The following UBE2W variants were observed in gnomAD, a reference collection of about 807,000 sequenced individuals.
UBE2W encodes ubiquitin conjugating enzyme E2 W, also known as ubiquitin-conjugating enzyme E2 W.
UBE2W carries 18 observed loss-of-function variants against 27.2 expected under a neutral mutation model. That is an observed-to-expected ratio of 0.66 (90% CI 0.46 to 0.98). The LOEUF (loss-of-function observed/expected upper bound fraction) is 0.98. Among genes scored for constraint, UBE2W ranks in the 50% least tolerant of loss-of-function variants. The pLI, the probability that UBE2W is intolerant of heterozygous loss-of-function variation, is 0.00. For missense variants in UBE2W, 90 were observed against 180.2 expected, an observed-to-expected ratio of 0.50 and a Z score of 2.87; for synonymous variants, 53 against 57.2, an observed-to-expected ratio of 0.93 and a Z score of 0.33.
At chr8:73,807,108 A>G (rs1481511291) in intron 4 of UBE2W, among the ~76,000 whole-genome samples, 2 of 152,222 alleles carry the variant, frequency 1.3e-5, no homozygotes, top group Non-Finnish European at 2.9e-5. Flanking sequence ...TATTAAAGCT[A>G]TATTAAAGTT....
chr8:73,825,277 T>G, intron 2 of UBE2W, 28 bp from the exon 3 acceptor site: 8 of 1,496,268 alleles, frequency 5.3e-6, no homozygotes, highest in Non-Finnish European at 7.2e-6. Flanking sequence ...AATTAAAAAC[T>G]TAAGATAATA....
At chr8:73,781,929 C>CTTT (rs71269945), downstream of UBE2W, among the ~76,000 whole-genome samples, 6 of 96,016 alleles carry the variant, frequency 6.2e-5, no homozygotes, top group African/African-American at 1.5e-4. Context: ...TAAAAGCCTC[C>CTTT]TTTTTTTTTT....
At chr8:73,850,411 A>C (rs1811023025) in intron 1 of UBE2W, among the ~76,000 whole-genome samples, 1 of 152,200 alleles carries the variant, frequency 6.6e-6, no homozygotes, top group Non-Finnish European at 1.5e-5. Flanking sequence ...GAAAACCATG[A>C]AAATGTGTTA....
At chr8:73,797,193 G>A (rs1248680920) in intron 5 of UBE2W, among the ~76,000 whole-genome samples, 1 of 152,102 alleles carries the variant, frequency 6.6e-6, no homozygotes, top group Non-Finnish European at 1.5e-5. Flanking sequence ...TATATTAGAA[G>A]AAGGTCATTT....
At chr8:73,821,051 A>G (rs772567677) in intron 3 of UBE2W, among the ~76,000 whole-genome samples, 1 of 152,352 alleles carries the variant, frequency 6.6e-6, no homozygotes, top group Non-Finnish European at 1.5e-5. Context: ...TTCATTCCAC[A>G]TATAATCTTT....
At chr8:73,806,742 A>G (rs1314368901) in intron 4 of UBE2W, among the ~76,000 whole-genome samples, 1 of 152,118 alleles carries the variant, frequency 6.6e-6, no homozygotes, top group Non-Finnish European at 1.5e-5. Flanking sequence ...ACTAAACTAG[A>G]TTTGTTGGGA....
intron 3 of UBE2W, among the ~76,000 whole-genome samples, chr8:73,812,847 T>C (rs1435233963): frequency 6.6e-6 from 1 of 151,338 alleles, no homozygotes; most frequent in East Asian, 1.9e-4. Flanking sequence ...TACTAAAAAA[T>C]ACAAAAAATT....
At chr8:73,875,401 C>G (rs1210570404) in intron 1 of UBE2W, among the ~76,000 whole-genome samples, 1 of 152,134 alleles carries the variant, frequency 6.6e-6, no homozygotes. Flanking sequence ...GGTTGAGACG[C>G]ACTGACAGAA....
intron 1 of UBE2W, among the ~76,000 whole-genome samples, chr8:73,844,956 G>A (rs913963093): frequency 2.7e-5 from 4 of 148,200 alleles, no homozygotes; most frequent in South Asian, 2.2e-4. Flanking sequence ...CCTGGCAGCC[G>A]CCCCGTCTGG....
Position 73,788,252 on chromosome 8 carries a change from TTTATA to T in UBE2W, c.*5845_*5849del. The T allele has an allele frequency of 1.0e-6, 1 of 957,306 alleles. No individual in the cohort carries two copies. The highest frequency in any genetic ancestry group is 1.2e-6 in the Non-Finnish European group (1 of 804,348). 59.3% of individuals were successfully genotyped at this position (957,306 alleles called of 1,614,324 possible). A position where few individuals can be genotyped will look rare whatever the true frequency, so the allele number is the denominator to read the frequency against. On this transcript the variant is annotated 3_prime_UTR_variant, in exon 6 of 6. Transcript: ENST00000602593. ...TAACATAGATTTGTCTGTTTTAACA[TTTATA>T]TTCTATTTAAAAAGTAGTGACTTTA...
At chr8:73,832,136 AAT>A (rs111764105) in intron 1 of UBE2W, among the ~76,000 whole-genome samples, 20 of 145,332 alleles carry the variant, frequency 1.4e-4, no homozygotes, top group Admixed American at 2.0e-4. Flanking sequence ...AAAATAAATA[AAT>A]ATATATATAT....
chr8:73,863,213 C>T (rs1183625118), intron 1 of UBE2W, among the ~76,000 whole-genome samples: 5 of 145,196 alleles, frequency 3.4e-5, no homozygotes, highest in African/African-American at 5.6e-5. Context: ...ATTAAGAAAA[C>T]GTGGCACATA....
chr8:73,780,845 A>G (rs1807828653), intron 4 of UBE2W, among the ~76,000 whole-genome samples: 1 of 152,086 alleles, frequency 6.6e-6, no homozygotes, highest in African/African-American at 2.4e-5. Flanking sequence ...ACTTTCTAAT[A>G]ATCAGATTTA....
Position 73,787,254 on chromosome 8 carries a change from T to C in UBE2W, c.*6848A>G, listed in dbSNP as rs1208270945. The C allele has an allele frequency of 2.1e-5, 21 of 985,458 alleles. No homozygotes were observed. Among genetic ancestry groups the C allele is most frequent in the Non-Finnish European group, 2.4e-5 (20 of 829,932 alleles). The allele number at this position is 985,458 out of a possible 1,614,324, so 61.0% of individuals were successfully genotyped here. A position where few individuals can be genotyped will look rare whatever the true frequency, so the allele number is the denominator to read the frequency against. ...TCCAAGTACACAAAACTCTTAGCTG[T>C]CTCACTTGCTTCTTCAATTTAGCTT... On this transcript the variant is annotated 3_prime_UTR_variant, in exon 6 of 6. Transcript: ENST00000602593.
intron 4 of UBE2W, among the ~76,000 whole-genome samples, chr8:73,809,472 T>C (rs891496206): frequency 1.3e-5 from 2 of 152,182 alleles, no homozygotes; most frequent in African/African-American, 2.4e-5. Flanking sequence ...TAGAAATACA[T>C]AAATGTTATG....
rs1235030321 is a variant in UBE2W, at chr8:73,793,764, C to G, written c.*338G>C. On this transcript the variant is annotated 3_prime_UTR_variant, in exon 6 of 6. Transcript: ENST00000602593. ...CGCCCATTGCCGGCAATGAACGTACCAAAACCGCCAAGGAAGTCATTGTTA... is the reference window on the plus strand; with the variant it reads ...CGCCCATTGCCGGCAATGAACGTACGAAAACCGCCAAGGAAGTCATTGTTA... 1 of 1,041,586 alleles carries G rather than the reference C, an allele frequency of 9.6e-7. No homozygotes were observed. The highest frequency in any genetic ancestry group is 1.2e-6 in the Non-Finnish European group (1 of 866,708). The allele number at this position is 1,041,586 out of a possible 1,614,324, so 64.5% of individuals were successfully genotyped here.
chr8:73,840,377 T>G (rs1810491903), intron 1 of UBE2W, among the ~76,000 whole-genome samples: 1 of 152,200 alleles, frequency 6.6e-6, no homozygotes, highest in Non-Finnish European at 1.5e-5. Flanking sequence ...ATTTCTAAAT[T>G]AGTCTGGCTT....
intron 1 of UBE2W, among the ~76,000 whole-genome samples, chr8:73,868,066 T>C (rs2130987925): frequency 6.6e-6 from 1 of 152,326 alleles, no homozygotes; most frequent in Non-Finnish European, 1.5e-5. Flanking sequence ...AAGTTATAAA[T>C]ATCCTTTTAT....
chr8:73,786,783 A>G lies in UBE2W; in HGVS notation c.*7319T>C. 2 of 985,474 alleles carry G rather than the reference A, an allele frequency of 2.0e-6. No individual in the cohort carries two copies. Among genetic ancestry groups the G allele is most frequent in the Non-Finnish European group, 2.4e-6 (2 of 829,930 alleles). The allele number at this position is 985,474 out of a possible 1,614,324, so 61.0% of individuals were successfully genotyped here. The stretch of plus-strand genomic sequence containing the variant: ...GGTAGAAATCTCAGAGACATTTTAA[A>G]GTTACACTCAACAGGACTTGAAAAA... On this transcript the variant is annotated 3_prime_UTR_variant, in exon 6 of 6. Coordinates refer to ENST00000602593, the MANE Select transcript of UBE2W (RefSeq NM_018299.6).
Sources: allele counts gnomAD v4.1 joint callset (sites outside exome capture counted in the v4.1 genomes callset), GRCh38; gene constraint gnomAD v4.1.1; transcripts MANE v1.5; gene names NCBI Gene and HGNC (gene_info 2026-07-23, HGNC 2026-07-21).